The following ST3GAL4 variants were observed in gnomAD, a reference collection of about 807,000 sequenced individuals.
ST3GAL4 encodes ST3 beta-galactoside alpha-2,3-sialyltransferase 4.
In ST3GAL4, 24 loss-of-function variants were observed where a neutral mutation model predicts 42.6. The ratio of observed to expected loss-of-function variants is 0.56; its 90% CI spans 0.41 to 0.79. The LOEUF is 0.79. Among genes scored for constraint, ST3GAL4 ranks in the 30% least tolerant of loss-of-function variants. The pLI is 0.00. For synonymous variants in ST3GAL4, 135 were observed against 163.2 expected (o/e 0.83, Z 1.32); for missense variants, 311 against 430.8 (o/e 0.72, Z 2.46).
chr11:126,369,161 C>T (rs1268524105), intron 1 of ST3GAL4, among the ~76,000 whole-genome samples: 4 of 152,160 alleles, frequency 2.6e-5, no homozygotes, highest in African/African-American at 4.8e-5. Flanking sequence ...AGATCAGCTG[C>T]TTCCATTTCA....
intron 1 of ST3GAL4, among the ~76,000 whole-genome samples, chr11:126,361,013 A>G (rs1952224327): frequency 6.6e-6 from 1 of 152,252 alleles, no homozygotes; most frequent in South Asian, 2.1e-4. Context: ...CCAGGTGAGG[A>G]TGGGCAGGAG....
intron 1 of ST3GAL4, chr11:126,356,277 G>T (rs766889031): frequency 6.6e-6 from 1 of 152,582 alleles, no homozygotes; most frequent in Non-Finnish European, 1.5e-5. Flanking sequence ...TGCAGGAGTC[G>T]CAAGGTCGCT....
Position 126,411,342 on chromosome 11 carries a change from C to T in ST3GAL4, c.771+1931C>T, listed in dbSNP as rs1206839063. Among the ~76,000 whole-genome samples the T allele has an allele frequency of 6.6e-6, 1 of 152,086 alleles. No homozygotes were observed. The highest frequency in any genetic ancestry group is 1.5e-5 in the Non-Finnish European group (1 of 67,998). On this transcript the variant is annotated intron_variant, in intron 9 of 10. Transcript: ENST00000444328. The surrounding 1 kb of genome is among the most constrained non-coding windows in gnomAD (Gnocchi z 6.3). ...TGTATTTTTACGAAAATACAAAACA[C>T]AGGAGTGCTGGTCTCGAACTCCTGA...
chr11:126,408,598 C>T (rs776013770), intron 8 of ST3GAL4, 102 bp downstream of exon 8: 195 of 1,382,348 alleles, frequency 1.4e-4, no homozygotes, highest in Non-Finnish European at 1.8e-4. Flanking sequence ...CCTAAAGAGG[C>T]TGTGAGGGGA....
In ST3GAL4 at chr11:126,373,186, G is replaced by C. The variant is rs563274275; in HGVS notation, c.-61+17344G>C. Among the ~76,000 whole-genome samples, 1 of 152,342 alleles carries C rather than the reference G, an allele frequency of 6.6e-6. No homozygotes were observed. The highest frequency in any genetic ancestry group is 1.5e-5 in the Non-Finnish European group (1 of 68,024). ...GGGGGTGCTGCTCTGGAGAGGCGGT[G>C]CTGCTTTGGAGATGGATTAATCAGG... On this transcript the variant is annotated intron_variant, in intron 1 of 10. Transcript: ENST00000444328. This position sits in a 1 kb window ranked among gnomAD's most constrained non-coding sequence, Gnocchi z 5.5.
Position 126,376,601 on chromosome 11 carries a change from CTT to C in ST3GAL4, c.-61+20762_-61+20763del, listed in dbSNP as rs1032781725. On this transcript the variant is annotated intron_variant, in intron 1 of 10. Coordinates refer to ENST00000444328, the MANE Select transcript of ST3GAL4 (RefSeq NM_001254757.2). This position sits in a 1 kb window ranked among gnomAD's most constrained non-coding sequence, Gnocchi z 5.1. ...CCCAGTTAAGATTTGATTATGCTGTCTTTTAAGCAAGGTTAAGGCTGTTGTTA... is the reference window on the plus strand; with the variant it reads ...CCCAGTTAAGATTTGATTATGCTGTCTTAAGCAAGGTTAAGGCTGTTGTTA... Among the ~76,000 whole-genome samples, 9 of 152,300 alleles carry C rather than the reference CTT, an allele frequency of 5.9e-5. No homozygotes were observed. Among genetic ancestry groups the C allele is most frequent in the African/African-American group, 2.2e-4 (9 of 41,564 alleles).
chr11:126,402,475 A>G (rs1347491444), intron 1 of ST3GAL4, among the ~76,000 whole-genome samples: 3 of 151,532 alleles, frequency 2.0e-5, no homozygotes, highest in African/African-American at 4.8e-5. Flanking sequence ...AAAAAGAAGA[A>G]GAAGAAGAAC....
In ST3GAL4 at chr11:126,410,575, G is replaced by C. The variant is rs376536125; in HGVS notation, c.771+1164G>C. Among the ~76,000 whole-genome samples, 1 of 152,276 alleles carries C rather than the reference G, an allele frequency of 6.6e-6. No homozygotes were observed. Among genetic ancestry groups the C allele is most frequent in the East Asian group, 1.9e-4 (1 of 5,184 alleles). ...ATGTAAAATACCTATTCTGGAGACC[G>C]GTACACAGGGCCTGCCCTTTAAATA... On this transcript the variant is annotated intron_variant, in intron 9 of 10. Transcript: ENST00000444328. The surrounding 1 kb of genome is among the most constrained non-coding windows in gnomAD (Gnocchi z 5.3).
Position 126,392,362 on chromosome 11 carries a change from G to A in ST3GAL4, c.-60-13734G>A. 1.0e-6 allele frequency: 1 copy of A among 985,902 alleles called. No individual in the cohort carries two copies. The highest frequency in any genetic ancestry group is 4.7e-5 in the South Asian group (1 of 21,284). The allele number at this position is 985,902 out of a possible 1,614,324, so 61.1% of individuals were successfully genotyped here. On this transcript the variant is annotated intron_variant, in intron 1 of 10. Coordinates refer to ENST00000444328, the MANE Select transcript of ST3GAL4 (RefSeq NM_001254757.2). This position sits in a 1 kb window ranked among gnomAD's most constrained non-coding sequence, Gnocchi z 5.8. ...GCAGCAGACATGGAGCTGGTAAGTG[G>A]TTAAGATCAGTCGGACATGACAACC...
rs944157459 is a variant in ST3GAL4 at position 126,386,172 on chromosome 11, C to G, written c.-60-19924C>G. On this transcript the variant is annotated intron_variant, in intron 1 of 10. Transcript: ENST00000444328. The surrounding 1 kb of genome is among the most constrained non-coding windows in gnomAD (Gnocchi z 4.7). ...CCTCAGAGACATGGTTCTATCCCCC[C>G]AGTGGCCAAGGGCTGGTGGCCCTCA... 2.0e-5 allele frequency among the ~76,000 whole-genome samples: 3 copies of G among 151,524 alleles called. No homozygotes were observed. The highest frequency in any genetic ancestry group is 3.4e-3 in the Middle Eastern group (1 of 294).
At chr11:126,390,848 C>T (rs74690570) in intron 1 of ST3GAL4, among the ~76,000 whole-genome samples, 31 of 112,370 alleles carry the variant, frequency 2.8e-4, no homozygotes, top group African/African-American at 9.7e-4. Flanking sequence ...TCCTCATTTC[C>T]GCCTCCCCCC....
rs146964969 is a variant in ST3GAL4, at chr11:126,408,177, G to A, written c.420G>A (p.Lys140=). Residue 140 remains lysine (K), a synonymous_variant, in exon 7 of 11, where the codon AAG becomes AAA. Transcript: ENST00000444328. ...RNSSLGDAIN[K]YDVVIRLNNA... Reference sequence around the variant, plus strand: ...GCTCACTGGGAGATGCCATCAACAAGTACGATGTGGTCATCAGGTGTGTGT... The same window carrying A: ...GCTCACTGGGAGATGCCATCAACAAATACGATGTGGTCATCAGGTGTGTGT... The A allele has an allele frequency of 2.0e-5, 32 of 1,614,030 alleles. No homozygotes were observed. The African/African-American group carries it at 3.2e-4, about 16-fold the overall frequency.
chr11:126,358,360 C>A, intron 1 of ST3GAL4: 1 of 354,712 alleles, frequency 2.8e-6, no homozygotes, highest in Admixed American at 3.2e-5. Flanking sequence ...TGAGTGTAGG[C>A]AGATTTGGGT....
intron 1 of ST3GAL4, among the ~76,000 whole-genome samples, chr11:126,370,496 T>C (rs1952600384): frequency 6.6e-6 from 1 of 152,240 alleles, no homozygotes; most frequent in South Asian, 2.1e-4. Flanking sequence ...GAGTATGTTA[T>C]AGGCTAAGGG....
intron 1 of ST3GAL4, among the ~76,000 whole-genome samples, chr11:126,367,386 G>T (rs60648773): frequency 6.6e-5 from 10 of 151,948 alleles, no homozygotes; most frequent in Admixed American, 5.9e-4. Context: ...CCTTTGTCAC[G>T]TATGGACCAG....
At chr11:126,360,092 G>T (rs1252718318) in intron 1 of ST3GAL4, among the ~76,000 whole-genome samples, 1 of 152,242 alleles carries the variant, frequency 6.6e-6, no homozygotes, top group Non-Finnish European at 1.5e-5. Context: ...CTTCCAACAT[G>T]GTGAGCTGTT....
Position 126,392,243 on chromosome 11 carries a change from G to A in ST3GAL4, c.-60-13853G>A, listed in dbSNP as rs1953547952. On this transcript the variant is annotated intron_variant, in intron 1 of 10. Transcript: ENST00000444328. The surrounding 1 kb of genome is among the most constrained non-coding windows in gnomAD (Gnocchi z 5.8). Reference sequence around the variant, plus strand: ...CCCGTTAGGAGGAAGTAAGTAGGAAGGAAGGAGATTTCCTGGGTATTAGGG... The same window carrying A: ...CCCGTTAGGAGGAAGTAAGTAGGAAAGAAGGAGATTTCCTGGGTATTAGGG... The A allele has an allele frequency of 1.4e-5, 12 of 883,270 alleles. No individual in the cohort carries two copies. Among genetic ancestry groups the A allele is most frequent in the Non-Finnish European group, 1.6e-5 (12 of 736,484 alleles). 54.7% of individuals were successfully genotyped at this position (883,270 alleles called of 1,614,324 possible).
rs1055623729 is a variant in ST3GAL4, at chr11:126,396,052, T to C, written c.-60-10044T>C. 7.2e-5 allele frequency among the ~76,000 whole-genome samples: 11 copies of C among 152,006 alleles called. No individual in the cohort carries two copies. The highest frequency in any genetic ancestry group is 1.2e-4 in the Non-Finnish European group (8 of 67,998). On this transcript the variant is annotated intron_variant, in intron 1 of 10. Transcript: ENST00000444328. This position sits in a 1 kb window ranked among gnomAD's most constrained non-coding sequence, Gnocchi z 5.8. Reference sequence around the variant, plus strand: ...CCGGTCTGTTCTTGGCACTTGCAATTAGCGGACCGTCTGTATCCGAGTGTT... The same window carrying C: ...CCGGTCTGTTCTTGGCACTTGCAATCAGCGGACCGTCTGTATCCGAGTGTT...
Position 126,409,533 on chromosome 11 carries a change from T to G in ST3GAL4, c.771+122T>G. 1 of 1,348,432 alleles carries G rather than the reference T, an allele frequency of 7.4e-7. No individual in the cohort carries two copies. The highest frequency in any genetic ancestry group is 1.0e-6 in the Non-Finnish European group (1 of 975,248). 83.5% of individuals were successfully genotyped at this position (1,348,432 alleles called of 1,614,324 possible). A position where few individuals can be genotyped will look rare whatever the true frequency, so the allele number is the denominator to read the frequency against. ...CAGAGGCGGCGGTTTGCATTTTCCC[T>G]CCAGGAACACACCTGTCATTAAAGT... On this transcript the variant is annotated intron_variant, in intron 9 of 10. Coordinates refer to ENST00000444328, the MANE Select transcript of ST3GAL4 (RefSeq NM_001254757.2). This position sits in a 1 kb window ranked among gnomAD's most constrained non-coding sequence, Gnocchi z 4.9.
Sources: allele counts gnomAD v4.1 joint callset (sites outside exome capture counted in the v4.1 genomes callset), GRCh38; gene constraint gnomAD v4.1.1; non-coding constraint Gnocchi (gnomAD v3.1); transcripts MANE v1.5; gene names NCBI Gene and HGNC (gene_info 2026-07-23, HGNC 2026-07-21).